Variants in DNAH17 observed in about 807,000 individuals in gnomAD.
The protein encoded by DNAH17 is dynein axonemal heavy chain 17, also known as axonemal beta dynein heavy chain 17.
Under a neutral mutation model 485.6 loss-of-function variants are expected in DNAH17, and 376 were observed. The ratio of observed to expected loss-of-function variants is 0.77; its 90% CI spans 0.71 to 0.84. DNAH17 has a LOEUF of 0.84. DNAH17 is among the 40% of genes least tolerant of loss of function. DNAH17 has a pLI of 0.00. For synonymous variants in DNAH17, 3,031 were observed against 2,405.9 expected, an observed-to-expected ratio of 1.26 and a Z score of -7.60; for missense variants, 6,370 against 5,839.3, an observed-to-expected ratio of 1.09 and a Z score of -2.96.
At chr17:78,464,185 A>G (rs1329045776) in intron 56 of DNAH17, among the ~76,000 whole-genome samples, 2 of 152,238 alleles carry the variant, frequency 1.3e-5, no homozygotes, top group South Asian at 2.1e-4. Flanking sequence ...TGAGTTGGTC[A>G]AAAGTGAGCC....
intron 58 of DNAH17, among the ~76,000 whole-genome samples, chr17:78,460,470 G>A (rs1328672152): frequency 6.6e-6 from 1 of 152,216 alleles, no homozygotes; most frequent in Non-Finnish European, 1.5e-5. Context: ...CAGTGGTGAG[G>A]GGCGGCCCAG....
intron 62 of DNAH17, among the ~76,000 whole-genome samples, chr17:78,456,590 C>T (rs921314685): frequency 1.3e-5 from 2 of 152,222 alleles, no homozygotes; most frequent in African/African-American, 4.8e-5. Flanking sequence ...GGGGACTCCA[C>T]GATGCGCCTC....
intron 75 of DNAH17, 25 bp from the exon 76 acceptor site, chr17:78,429,325 G>A (rs775099385): frequency 2.5e-6 from 4 of 1,606,872 alleles, no homozygotes; most frequent in Non-Finnish European, 3.4e-6. Flanking sequence ...CAGCGGGTAG[G>A]GGAAAGTGCC....
At chr17:78,498,851 G>T (rs1277935616) in intron 37 of DNAH17, 157 bp downstream of exon 37, 3 of 510,918 alleles carry the variant, frequency 5.9e-6, no homozygotes, top group Non-Finnish European at 1.0e-5. Flanking sequence ...CAGGCTTTGG[G>T]ACCCTGGAGG....
intron 56 of DNAH17, among the ~76,000 whole-genome samples, chr17:78,463,814 T>C (rs1428367004): frequency 2.6e-5 from 4 of 152,252 alleles, no homozygotes; most frequent in African/African-American, 9.7e-5. Flanking sequence ...CAATGTTAAT[T>C]TTAATTCAGG....
chr17:78,466,721 G>A lies in DNAH17; in HGVS notation c.8874C>T (p.His2958=), dbSNP rs751907855. The change falls in exon 56 of 81, where the codon CAC becomes CAT. Residue 2958 remains histidine, a synonymous_variant. Coordinates refer to ENST00000389840, the MANE Select transcript of DNAH17 (RefSeq NM_173628.4). The stretch of plus-strand genomic sequence containing the variant: ...ACACCAGCGCATCTTCCGGCCACTC[G>A]TGGAACCAGTCGATGGCCGTGCAGT... ...VVNCTAIDWF[H]EWPEDALVSV... is the part of the protein sequence containing the mutation. 4.3e-6 allele frequency: 7 copies of A among 1,612,722 alleles called. No homozygotes were observed. The African/African-American group carries it at 8.0e-5, about 18-fold the overall frequency.
In DNAH17 at chr17:78,551,299, A is replaced by AG. The variant is rs2091896267; in HGVS notation, c.2391+235dup. On this transcript the variant is annotated intron_variant, in intron 16 of 80. Coordinates refer to ENST00000389840, the MANE Select transcript of DNAH17 (RefSeq NM_173628.4). The stretch of plus-strand genomic sequence containing the variant: ...TGCTACTGGCACTGGCCTGGCACAG[A>AG]GGGGGCCTTGTGGAGCTCAGCAGAA... Among the ~76,000 whole-genome samples, 3 of 152,202 alleles carry AG rather than the reference A, an allele frequency of 2.0e-5. No individual in the cohort carries two copies. In the South Asian group the frequency reaches 6.2e-4, roughly 31 times the overall value.
chr17:78,435,458 A>C (rs1365964409), intron 74 of DNAH17, among the ~76,000 whole-genome samples: 1 of 152,050 alleles, frequency 6.6e-6, no homozygotes, highest in Admixed American at 6.6e-5. Flanking sequence ...CACAGGTCTC[A>C]GCTGTCACTC....
intron 72 of DNAH17, 146 bp from the exon 73 acceptor site, chr17:78,439,363 A>C: frequency 1.1e-6 from 1 of 943,152 alleles, no homozygotes; most frequent in Non-Finnish European, 1.5e-6. Context: ...GCTGTTTTAA[A>C]ACCCATCTTA....
rs1379352451 is a variant in DNAH17 at position 78,501,225 on chromosome 17, C to A, written c.5442G>T (p.Leu1814=). The change falls in exon 35 of 81, where the codon CTG becomes CTT. Residue 1814 remains leucine, a synonymous_variant. Coordinates refer to ENST00000389840, the MANE Select transcript of DNAH17 (RefSeq NM_173628.4). ...DAQIQYSYEY[L]GNTPRLVITP... is the part of the protein sequence containing the mutation. ...TGATGACCAGCCGCGGCGTGTTGCCCAGATACTCATAGGAATACTGGATTT... is the reference window on the plus strand; with the variant it reads ...TGATGACCAGCCGCGGCGTGTTGCCAAGATACTCATAGGAATACTGGATTT... 3.1e-6 allele frequency: 5 copies of A among 1,602,238 alleles called. No individual in the cohort carries two copies. Among genetic ancestry groups the A allele is most frequent in the Non-Finnish European group, 4.3e-6 (5 of 1,170,612 alleles).
At position 78,571,309 on chromosome 17, in the gene DNAH17, G is replaced by C; in HGVS notation, c.802C>G (p.Leu268Val). ...GTGACGTTGGTGTAAACGTTTTGCAGGGCTGGCCAGTAGCAGCTTTTGGCT... is the reference window on the plus strand; with the variant it reads ...GTGACGTTGGTGTAAACGTTTTGCACGGCTGGCCAGTAGCAGCTTTTGGCT... ...EKAKSCYWPA[L>V]QNVYTNVTEG... Residue 268 changes from leucine (L) to valine (V), a missense_variant, in exon 5 of 81, where the codon CTG (leucine) becomes GTG (valine). Transcript: ENST00000389840. The C allele has an allele frequency of 6.2e-7, 1 of 1,613,880 alleles. No individual in the cohort carries two copies.
chr17:78,485,239 G>A, intron 47 of DNAH17: 2 of 685,886 alleles, frequency 2.9e-6, no homozygotes, highest in South Asian at 4.0e-5. Context: ...AGAGGCGAGG[G>A]TGGCAGGAAC....
rs776744114 is a variant in DNAH17, at chr17:78,502,861, C to T, written c.5082+25G>A. The T allele has an allele frequency of 2.3e-5, 37 of 1,607,576 alleles. 1 individual carries two copies. Among genetic ancestry groups the T allele is most frequent in the Admixed American group, 6.8e-5 (4 of 58,580 alleles). ...GCCCCTTATCTCAGCCACGAGGCGC[C>T]GCCGAGCCCCCACCCGCCTCAGACC... On this transcript the variant is annotated intron_variant, in intron 32 of 80. Transcript: ENST00000389840.
At chr17:78,439,353 G>T in intron 72 of DNAH17, 136 bp from the exon 73 acceptor site, 5 of 1,083,020 alleles carry the variant, frequency 4.6e-6, no homozygotes, top group Non-Finnish European at 5.1e-6. Context: ...CATAAAACTT[G>T]CTGTTTTAAA....
chr17:78,562,003 C>A, intron 11 of DNAH17, 23 bp from the exon 12 acceptor site: 2 of 1,550,014 alleles, frequency 1.3e-6, no homozygotes, highest in South Asian at 1.2e-5. Flanking sequence ...GAGAAGGGGG[C>A]CTCTTCACCA....
At chr17:78,490,943 AAGG>A in intron 43 of DNAH17, 96 bp from the exon 44 acceptor site, 2 of 1,412,528 alleles carry the variant, frequency 1.4e-6, no homozygotes, top group Non-Finnish European at 1.9e-6. Context: ...ACCTCCGAGC[AAGG>A]AGGAGGGGCC....
At position 78,515,010 on chromosome 17, in the gene DNAH17, T is replaced by C; in HGVS notation, c.3877A>G (p.Ile1293Val). 6.2e-7 allele frequency: 1 copy of C among 1,613,928 alleles called. No homozygotes were observed. Residue 1293 changes from isoleucine to valine, a missense_variant, in exon 26 of 81, where the codon ATC (isoleucine) becomes GTC (valine). Coordinates refer to ENST00000389840, the MANE Select transcript of DNAH17 (RefSeq NM_173628.4). The stretch of plus-strand genomic sequence containing the variant: ...CACTTGGTGGTCTTCCAGTCCTCGA[T>C]GCTGGTATTTACCTGAAACGAAAAC... ...WDMVVVVNTS[I>V]EDWKTTKWKD...
chr17:78,450,991 G>A, intron 66 of DNAH17, 145 bp from the exon 67 acceptor site: 1 of 1,050,856 alleles, frequency 9.5e-7, no homozygotes, highest in Non-Finnish European at 1.4e-6. Flanking sequence ...GGCTGCAGAA[G>A]CAGAGCCCCT....
intron 35 of DNAH17, chr17:78,500,949 A>G (rs1235042945): frequency 1.7e-5 from 7 of 407,524 alleles, no homozygotes; most frequent in Non-Finnish European, 2.6e-5. Context: ...AGGGTCCATA[A>G]AACATGACCC....
Sources: gnomAD v4.1 joint callset for allele counts (sites outside exome capture counted in the v4.1 genomes callset) on GRCh38, gnomAD v4.1.1 for gene constraint, MANE v1.5 for transcripts, NCBI Gene and HGNC (gene_info 2026-07-23, HGNC 2026-07-21) for gene names.